The following IGSF10 variants were observed in gnomAD, a reference collection of about 807,000 sequenced individuals.
IGSF10 encodes immunoglobulin superfamily member 10.
A neutral mutation model predicts 128.2 loss-of-function variants in IGSF10; 126 were observed. The observed-to-expected ratio is 0.98, with a 90% confidence interval of 0.85 to 1.14. The LOEUF is 1.14. IGSF10 is among the 50% of genes most tolerant of loss of function. The pLI, the probability that IGSF10 is intolerant of heterozygous loss-of-function variation, is 0.00. For synonymous variants in IGSF10, 1,185 were observed against 1,146.2 expected (o/e 1.03, Z -0.68); for missense variants, 3,295 against 3,149.8 (o/e 1.05, Z -1.10).
At chr3:151,483,369 G>T in the IGSF10 span, among the ~76,000 whole-genome samples, 12 of 152,192 alleles carry the variant, frequency 7.9e-5, no homozygotes, top group South Asian at 6.2e-4. Context: ...ATTGCAGATT[G>T]TAAGTATAAA....
the IGSF10 span, among the ~76,000 whole-genome samples, chr3:151,506,011 T>C: frequency 0.83 from 125,194 of 151,716 alleles, 51,692 homozygotes; most frequent in Middle Eastern, 0.92. Context: ...AGTACAGTGG[T>C]GTTGATCTCA....
At chr3:151,564,690 G>C in the IGSF10 span, among the ~76,000 whole-genome samples, 2 of 152,094 alleles carry the variant, frequency 1.3e-5, no homozygotes, top group Non-Finnish European at 2.9e-5. Flanking sequence ...TACGGCAGTT[G>C]AATGAGGTAT....
chr3:151,436,819 C>T lies in IGSF10; in HGVS notation c.7742G>A (p.Ser2581Asn). The stretch of plus-strand genomic sequence containing the variant: ...GGTACCTTGTAAGTGAAGCTGCTCA[C>T]TTCCATGTGTCCTCTCTTTACTTGC... ...STASKERTHGSEQLHLQGTLV... is the reference protein window; with the variant it reads ...STASKERTHGNEQLHLQGTLV... Residue 2581 changes from serine to asparagine, a missense_variant, in exon 8 of 8, where the codon AGT (serine) becomes AAT (asparagine). By Grantham distance (46) the Ser-to-Asn change is conservative. Transcript: ENST00000282466. The T allele has an allele frequency of 6.2e-7, 1 of 1,614,226 alleles. No individual in the cohort carries two copies. The highest frequency in any genetic ancestry group is 8.5e-7 in the Non-Finnish European group (1 of 1,180,022).
chr3:151,579,918 G>GGAAGGAAGGAAGGAAA, the IGSF10 span, among the ~76,000 whole-genome samples: 3 of 151,050 alleles, frequency 2.0e-5, no homozygotes, highest in African/African-American at 7.3e-5. Context: ...AAGGAAGGAA[G>GGAAGGAAGGAAGGAAA]GGCCTAGTGA....
At chr3:151,466,175 C>A in the IGSF10 span, among the ~76,000 whole-genome samples, 1 of 152,008 alleles carries the variant, frequency 6.6e-6, no homozygotes, top group Non-Finnish European at 1.5e-5. Context: ...GAAGTTTTAA[C>A]AGATCTGGCA....
chr3:151,454,551 T>C (rs1721683872), intron 4 of IGSF10, among the ~76,000 whole-genome samples: 1 of 150,624 alleles, frequency 6.6e-6, no homozygotes. Flanking sequence ...ATTATATTCT[T>C]TCTACTTTTG....
chr3:151,460,217 C>T (rs901450728), intron 2 of IGSF10, 44 bp downstream of exon 2: 4 of 562,616 alleles, frequency 7.1e-6, no homozygotes, highest in Non-Finnish European at 6.8e-6. Context: ...TTCTCACAAA[C>T]GTAAGGCTGA....
In IGSF10 at chr3:151,460,362, G is replaced by T; in HGVS notation, c.-88-15C>A. On this transcript the variant is annotated splice_polypyrimidine_tract_variant and intron_variant, in intron 1 of 7. Transcript: ENST00000282466. ...TGTGTCCAAACCTGAGGGAGGAAAA[G>T]TTCTCTGCTCCAAAGTGAGCAAAAA... is the stretch of plus-strand genomic sequence containing the variant. 2 of 875,262 alleles carry T rather than the reference G, an allele frequency of 2.3e-6. No homozygotes were observed. Among genetic ancestry groups the T allele is most frequent in the Non-Finnish European group, 2.7e-6 (2 of 729,480 alleles). 54.2% of individuals were successfully genotyped at this position (875,262 alleles called of 1,614,324 possible).
chr3:151,513,634 G>A, the IGSF10 span, among the ~76,000 whole-genome samples: 577 of 152,292 alleles, frequency 3.8e-3, 2 homozygotes, highest in African/African-American at 0.012. Flanking sequence ...AATCAGGCAG[G>A]AGAAGGAAAT....
the IGSF10 span, among the ~76,000 whole-genome samples, chr3:151,540,480 CATT>C: frequency 6.6e-6 from 1 of 152,098 alleles, no homozygotes; most frequent in Non-Finnish European, 1.5e-5. Flanking sequence ...CATTTATTCT[CATT>C]AGTGTGTTGT....
the IGSF10 span, among the ~76,000 whole-genome samples, chr3:151,511,291 A>G: frequency 6.6e-6 from 1 of 152,346 alleles, no homozygotes; most frequent in South Asian, 2.1e-4. Context: ...CAAAGCCAGA[A>G]GAGAGTGGGG....
At chr3:151,577,218 C>A in the IGSF10 span, among the ~76,000 whole-genome samples, 78 of 152,204 alleles carry the variant, frequency 5.1e-4, no homozygotes, top group Non-Finnish European at 9.9e-4. Context: ...CTGGTAGTTA[C>A]CTTTTTTGAG....
chr3:151,435,522 A>AATG (rs1172658017), downstream of IGSF10: 1 of 152,048 alleles, frequency 6.6e-6, no homozygotes, highest in Non-Finnish European at 1.5e-5. Flanking sequence ...ACATGTCTCA[A>AATG]ATGATTGGCA....
the IGSF10 span, among the ~76,000 whole-genome samples, chr3:151,618,699 C>T: frequency 4.7e-5 from 7 of 148,730 alleles, no homozygotes; most frequent in South Asian, 1.5e-3. Flanking sequence ...CACTGCACTC[C>T]AGCCCGGGCA....
At chr3:151,468,762 A>G in the IGSF10 span, among the ~76,000 whole-genome samples, 1 of 152,218 alleles carries the variant, frequency 6.6e-6, no homozygotes, top group Non-Finnish European at 1.5e-5. Flanking sequence ...ACGTTCCAGG[A>G]TACATGTACA....
At chr3:151,435,512 A>C (rs2108510170), downstream of IGSF10, 1 of 152,270 alleles carries the variant, frequency 6.6e-6, no homozygotes, top group South Asian at 2.1e-4. Flanking sequence ...GCGCTATTCC[A>C]CATGTCTCAA....
the IGSF10 span, among the ~76,000 whole-genome samples, chr3:151,616,372 A>G: frequency 6.6e-6 from 1 of 152,248 alleles, no homozygotes; most frequent in Admixed American, 6.5e-5. Context: ...AACTTAATGT[A>G]TAGAATTAAC....
At chr3:151,507,144 A>G in the IGSF10 span, among the ~76,000 whole-genome samples, 18 of 152,278 alleles carry the variant, frequency 1.2e-4, no homozygotes, top group East Asian at 3.5e-3. Flanking sequence ...ATCAAGTCCA[A>G]TATGGCCCTT....
chr3:151,443,242 A>G lies in IGSF10; in HGVS notation c.5705T>C (p.Leu1902Ser), dbSNP rs1720964117. The G allele has an allele frequency of 3.7e-6, 6 of 1,612,190 alleles. No individual in the cohort carries two copies. In the East Asian group the frequency reaches 1.3e-4, roughly 36 times the overall value. The change falls in exon 7 of 8, where the codon TTG (leucine) becomes TCG (serine). Residue 1902 changes from leucine to serine, a missense_variant. Leu to Ser is a moderately radical substitution (Grantham distance 145). Transcript: ENST00000282466. ...SKLFLFSNGT[L>S]YIRNLASSDR... is the part of the protein sequence containing the mutation. ...TGAAGAGGCTAGGTTTCTTATATAC[A>G]AAGTCCCATTTGAAAATAAGAACAA...
Sources: allele counts gnomAD v4.1 joint callset (sites outside exome capture counted in the v4.1 genomes callset), GRCh38; gene constraint gnomAD v4.1.1; transcripts MANE v1.5; gene names NCBI Gene and HGNC (gene_info 2026-07-23, HGNC 2026-07-21).